PLAC1: variants seen among roughly 807,000 people sequenced by gnomAD.
PLAC1 encodes placenta-specific protein 1.
For synonymous variants in PLAC1, 68 were observed against 62.1 expected (o/e 1.09, Z -0.44); for missense variants, 136 against 163.2 (o/e 0.83, Z 0.91).
intron 2 of PLAC1, among the ~76,000 whole-genome samples, chrX:134,673,454 A>G (rs1015416498): frequency 2.7e-5 from 3 of 110,604 alleles, no homozygotes; most frequent in African/African-American, 9.9e-5. Context: ...ATGGCCCATC[A>G]TTCTGTGGCC....
chrX:134,729,450 G>A (rs1426651587), intron 2 of PLAC1, among the ~76,000 whole-genome samples: 2 of 112,132 alleles, frequency 1.8e-5, no homozygotes, highest in Non-Finnish European at 3.8e-5. Flanking sequence ...AAGTGCCACA[G>A]CTAGTAAGTA....
At chrX:134,634,448 C>T (rs1405340777) in intron 1 of PLAC1, among the ~76,000 whole-genome samples, 1 of 111,960 alleles carries the variant, frequency 8.9e-6, no homozygotes, top group Admixed American at 9.5e-5. Flanking sequence ...GCAACCATCA[C>T]CACAATCAAT....
At chrX:134,747,655 G>C in intron 1 of PLAC1, among the ~76,000 whole-genome samples, 1 of 111,532 alleles carries the variant, frequency 9.0e-6, no homozygotes, top group South Asian at 3.8e-4. Flanking sequence ...CTTGCTGTGT[G>C]GTGGTCCTGT....
At chrX:134,598,001 T>C (rs1032941111) in intron 2 of PLAC1, among the ~76,000 whole-genome samples, 3 of 111,678 alleles carry the variant, frequency 2.7e-5, no homozygotes, top group African/African-American at 9.8e-5. Flanking sequence ...GTCTATCTTC[T>C]CTCCACCTTT....
At chrX:134,574,986 T>A (rs781474785) in intron 2 of PLAC1, among the ~76,000 whole-genome samples, 2 of 111,460 alleles carry the variant, frequency 1.8e-5, no homozygotes, top group South Asian at 7.6e-4. Flanking sequence ...GACCTACACA[T>A]CCACTCCCAG....
chrX:134,591,427 G>A (rs2078038808), intron 2 of PLAC1, among the ~76,000 whole-genome samples: 1 of 112,810 alleles, frequency 8.9e-6, no homozygotes, highest in Non-Finnish European at 1.9e-5. Flanking sequence ...TGGCAGAGGA[G>A]TGAGGAGTGG....
intron 2 of PLAC1, among the ~76,000 whole-genome samples, chrX:134,585,069 C>T (rs994353234): frequency 9.2e-6 from 1 of 108,424 alleles, no homozygotes. Context: ...CGGTGGCTCA[C>T]GCCTGTAATC....
At chrX:134,601,157 A>C (rs2078087459) in intron 2 of PLAC1, among the ~76,000 whole-genome samples, 1 of 111,159 alleles carries the variant, frequency 9.0e-6, no homozygotes, top group Non-Finnish European at 1.9e-5. Context: ...TTAGACCATG[A>C]GCATTTACTC....
In PLAC1 at chrX:134,678,762, G is replaced by A. The variant is rs1461965142; in HGVS notation, n.174+54673C>T. 2.7e-5 allele frequency among the ~76,000 whole-genome samples: 3 copies of A among 112,015 alleles called. 1 individual carries two copies. The highest frequency in any genetic ancestry group is 1.9e-5 in the Non-Finnish European group (1 of 53,235). On this transcript the variant is annotated intron_variant and non_coding_transcript_variant, in intron 2 of 2. Coordinates refer to the PLAC1 transcript ENST00000466797. ...AAAAAGATACATCTGTGTCCTAACCGCAGGAACCTGTGAACATGACTTTTT... is the reference window on the plus strand; with the variant it reads ...AAAAAGATACATCTGTGTCCTAACCACAGGAACCTGTGAACATGACTTTTT...
chrX:134,751,861 C>G lies in PLAC1; in HGVS notation n.89+12373G>C, dbSNP rs979044376. On this transcript the variant is annotated intron_variant and non_coding_transcript_variant, in intron 1 of 2. Coordinates refer to the PLAC1 transcript ENST00000466797. Reference sequence around the variant, plus strand: ...ATGGGTCTCAGTTTCACAACTCAAGCTGTCAATTTCTCACTTCCATGACTA... The same window carrying G: ...ATGGGTCTCAGTTTCACAACTCAAGGTGTCAATTTCTCACTTCCATGACTA... 3.6e-5 allele frequency among the ~76,000 whole-genome samples: 4 copies of G among 112,216 alleles called. No homozygotes were observed. The Admixed American group carries it at 3.8e-4, about 11-fold the overall frequency.
At chrX:134,672,919 A>G (rs1159735563) in intron 2 of PLAC1, among the ~76,000 whole-genome samples, 1 of 112,537 alleles carries the variant, frequency 8.9e-6, no homozygotes, top group East Asian at 2.8e-4. Flanking sequence ...ATACTATTAG[A>G]GGCAAACTCA....
At chrX:134,638,238 T>C (rs1327957176) in intron 1 of PLAC1, among the ~76,000 whole-genome samples, 2 of 112,292 alleles carry the variant, frequency 1.8e-5, no homozygotes, top group Non-Finnish European at 3.8e-5. Context: ...TCAAAATTCA[T>C]TGTTACTTTT....
At chrX:134,704,550 A>G (rs186164938) in intron 2 of PLAC1, among the ~76,000 whole-genome samples, 2 of 106,404 alleles carry the variant, frequency 1.9e-5, no homozygotes, top group Admixed American at 2.1e-4. Flanking sequence ...TAATAGAAAT[A>G]TAAAACAAAA....
At chrX:134,646,724 A>C (rs2078335233) in intron 1 of PLAC1, among the ~76,000 whole-genome samples, 1 of 112,426 alleles carries the variant, frequency 8.9e-6, no homozygotes, top group African/African-American at 3.2e-5. Context: ...TGTAAGAAAG[A>C]AAGTTTTGGT....
At chrX:134,734,495 A>G (rs998518364) in intron 1 of PLAC1, among the ~76,000 whole-genome samples, 14 of 112,135 alleles carry the variant, frequency 1.2e-4, no homozygotes, top group South Asian at 3.7e-4. Context: ...TCTGCCCCCA[A>G]TGGCTGGCAT....
chrX:134,675,432 G>A (rs1391421926), intron 2 of PLAC1, among the ~76,000 whole-genome samples: 1 of 111,951 alleles, frequency 8.9e-6, no homozygotes, highest in Non-Finnish European at 1.9e-5. Context: ...TCGGGAGGCC[G>A]AGGCGGGTGG....
intron 2 of PLAC1, among the ~76,000 whole-genome samples, chrX:134,710,578 A>T (rs949590914): frequency 8.0e-5 from 9 of 112,127 alleles, no homozygotes; most frequent in African/African-American, 2.9e-4. Flanking sequence ...AATATCCACC[A>T]AAGGAGGAAT....
chrX:134,762,230 T>C (rs1406173326), intron 1 of PLAC1, among the ~76,000 whole-genome samples: 1 of 103,912 alleles, frequency 9.6e-6, no homozygotes, highest in African/African-American at 3.7e-5. Context: ...AGTCATTCAC[T>C]CTATGAATGA....
At chrX:134,656,282 G>C (rs1275106941) in intron 1 of PLAC1, among the ~76,000 whole-genome samples, 7 of 112,132 alleles carry the variant, frequency 6.2e-5, no homozygotes, top group African/African-American at 2.3e-4. Flanking sequence ...ATTACTTGCT[G>C]AGTGGCCTTA....
Sources: gnomAD v4.1 joint callset for allele counts (sites outside exome capture counted in the v4.1 genomes callset) on GRCh38, gnomAD v4.1.1 for gene constraint, MANE v1.5 for transcripts, NCBI Gene and HGNC (gene_info 2026-07-23, HGNC 2026-07-21) for gene names.